The following OSBP2 variants were observed in gnomAD, a reference collection of about 807,000 sequenced individuals.
OSBP2 encodes the protein oxysterol-binding protein 2.
Under a neutral mutation model 96.0 loss-of-function variants are expected in OSBP2, and 66 were observed. That is an observed-to-expected ratio of 0.69 (90% CI 0.56 to 0.84). The LOEUF is 0.84. Among genes scored for constraint, OSBP2 ranks in the 40% least tolerant of loss-of-function variants. The pLI, the probability that OSBP2 is intolerant of heterozygous loss-of-function variation, is 0.00. For missense variants in OSBP2, 1,038 were observed against 1,222.7 expected (o/e 0.85, Z 2.25); for synonymous variants, 525 against 520.9 (o/e 1.01, Z -0.11).
In OSBP2 at chr22:30,906,446, C is replaced by T. The variant is rs780216743; in HGVS notation, c.*107C>T. 40 of 1,318,930 alleles carry T rather than the reference C, an allele frequency of 3.0e-5. No individual in the cohort carries two copies. The highest frequency in any genetic ancestry group is 4.0e-5 in the Non-Finnish European group (40 of 990,694). 81.7% of individuals were successfully genotyped at this position (1,318,930 alleles called of 1,614,324 possible). On this transcript the variant is annotated 3_prime_UTR_variant, in exon 14 of 14. Transcript: ENST00000332585. ...TCTTTCTCCCAGCCCATTCCCAGCC[C>T]TTCCTATTTCCTTTCCTATTTTTTT...
At chr22:30,876,406 A>G (rs2039579128) in intron 3 of OSBP2, among the ~76,000 whole-genome samples, 1 of 151,674 alleles carries the variant, frequency 6.6e-6, no homozygotes, top group African/African-American at 2.4e-5. Flanking sequence ...TGGTGGCCTC[A>G]CCGCCCCACT....
At chr22:30,844,123 C>T (rs1194624287) in intron 2 of OSBP2, among the ~76,000 whole-genome samples, 1 of 152,158 alleles carries the variant, frequency 6.6e-6, no homozygotes, top group Non-Finnish European at 1.5e-5. Context: ...AATCTGCTCG[C>T]TTTGGCCTCC....
intron 2 of OSBP2, among the ~76,000 whole-genome samples, chr22:30,749,274 TAAACTAAGAATGC>T: frequency 6.6e-6 from 1 of 152,256 alleles, no homozygotes; most frequent in East Asian, 1.9e-4. Flanking sequence ...AACCTACTCT[TAAACTAAGAATGC>T]TTTTGTGTTT....
At chr22:30,764,601 T>C (rs1221301027) in intron 2 of OSBP2, among the ~76,000 whole-genome samples, 2 of 152,150 alleles carry the variant, frequency 1.3e-5, no homozygotes, top group African/African-American at 2.4e-5. Flanking sequence ...GCACAGTGTT[T>C]CTTACTTGTT....
chr22:30,852,233 G>A (rs539112453), intron 2 of OSBP2, among the ~76,000 whole-genome samples: 1 of 152,266 alleles, frequency 6.6e-6, no homozygotes, highest in African/African-American at 2.4e-5. Context: ...GGTAAGAAGT[G>A]TATTATTTCT....
chr22:30,825,052 C>T (rs1347320679), intron 2 of OSBP2, among the ~76,000 whole-genome samples: 1 of 152,138 alleles, frequency 6.6e-6, no homozygotes, highest in Non-Finnish European at 1.5e-5. Context: ...AAGAACAGAT[C>T]CCCACCCTGC....
At chr22:30,860,420 G>A (rs1341055042) in intron 2 of OSBP2, among the ~76,000 whole-genome samples, 1 of 152,204 alleles carries the variant, frequency 6.6e-6, no homozygotes, top group Non-Finnish European at 1.5e-5. Context: ...AGGAGGAAGA[G>A]GGAGCCTGAG....
At chr22:30,694,192 TC>T, upstream of OSBP2, 1 of 1,550,118 alleles carries the variant, frequency 6.5e-7, no homozygotes, top group Non-Finnish European at 8.7e-7. Flanking sequence ...CAAAAAGTCT[TC>T]CCCTATTTGT....
chr22:30,880,833 G>A (rs1349722483), intron 3 of OSBP2, among the ~76,000 whole-genome samples: 1 of 152,198 alleles, frequency 6.6e-6, no homozygotes, highest in African/African-American at 2.4e-5. Context: ...GATGCTCAAT[G>A]TCTGTCCCAT....
intron 2 of OSBP2, among the ~76,000 whole-genome samples, chr22:30,812,784 ACTCCTTG>A (rs529013506): frequency 6.6e-6 from 1 of 151,492 alleles, no homozygotes; most frequent in Non-Finnish European, 1.5e-5. Context: ...CATTCTTTTT[ACTCCTTG>A]TTACTCTGAT....
At chr22:30,767,910 A>T (rs1351190821) in intron 2 of OSBP2, among the ~76,000 whole-genome samples, 1 of 152,162 alleles carries the variant, frequency 6.6e-6, no homozygotes, top group Non-Finnish European at 1.5e-5. Flanking sequence ...TGCTAGTGAG[A>T]GCACAGTCAG....
At chr22:30,808,836 C>G (rs1342306341) in intron 2 of OSBP2, among the ~76,000 whole-genome samples, 1 of 152,186 alleles carries the variant, frequency 6.6e-6, no homozygotes, top group Non-Finnish European at 1.5e-5. Flanking sequence ...TGCCTGTAGT[C>G]CCAGCTGTTT....
chr22:30,715,367 TC>T (rs768557235), intron 1 of OSBP2, among the ~76,000 whole-genome samples: 1 of 84,422 alleles, frequency 1.2e-5, no homozygotes, highest in Non-Finnish European at 3.0e-5. Context: ...TCTCTCTCTC[TC>T]TTTTTTTTTT....
intron 1 of OSBP2, among the ~76,000 whole-genome samples, chr22:30,720,384 C>T (rs1171932224): frequency 5.3e-5 from 8 of 152,186 alleles, no homozygotes; most frequent in African/African-American, 1.4e-4. Context: ...CTCACTCACA[C>T]GCCTGGCAAA....
At chr22:30,778,170 CTTT>C (rs71202014) in intron 2 of OSBP2, among the ~76,000 whole-genome samples, 3 of 67,018 alleles carry the variant, frequency 4.5e-5, no homozygotes, top group East Asian at 4.2e-4. Context: ...AATTTTTGCC[CTTT>C]TTTTTTTTTT....
intron 2 of OSBP2, among the ~76,000 whole-genome samples, chr22:30,861,778 G>A (rs1214789787): frequency 6.6e-6 from 1 of 152,172 alleles, no homozygotes; most frequent in Middle Eastern, 3.2e-3. Flanking sequence ...CCCCAATCAG[G>A]AAGGACTGGC....
intron 2 of OSBP2, among the ~76,000 whole-genome samples, chr22:30,765,830 A>T (rs931635942): frequency 1.5e-4 from 23 of 152,166 alleles, no homozygotes; most frequent in African/African-American, 5.6e-4. Flanking sequence ...TAAGAAAACC[A>T]CTTCTGTCTA....
chr22:30,740,331 A>C (rs1301977786), intron 1 of OSBP2, among the ~76,000 whole-genome samples: 1 of 152,218 alleles, frequency 6.6e-6, no homozygotes, highest in Non-Finnish European at 1.5e-5. Context: ...CAGCTGATCC[A>C]TCAAGTGCAG....
Position 30,695,294 on chromosome 22 carries a change from C to T in OSBP2, c.385C>T (p.Arg129Trp), listed in dbSNP as rs1407400052. ...TAAGGCCGCATCGGAGCCGCTCTCC[C>T]GGGCGGTGGGGAGCGCGACCTTTCT... is the stretch of plus-strand genomic sequence containing the variant. ...FTKAASEPLS[R>W]AVGSATFLRP... Residue 129 changes from arginine to tryptophan, a missense_variant, in exon 1 of 14, where the codon CGG (arginine) becomes TGG (tryptophan). This residue lies in a region of OSBP2 where 281 missense variants were observed against 273.4 expected (regional missense o/e 1.03). Coordinates refer to ENST00000332585, the MANE Select transcript of OSBP2 (RefSeq NM_030758.4). 1.3e-5 allele frequency: 21 copies of T among 1,613,356 alleles called. No homozygotes were observed. Among genetic ancestry groups the T allele is most frequent in the Non-Finnish European group, 1.5e-5 (18 of 1,180,038 alleles).
Sources: gnomAD v4.1 joint callset for allele counts (sites outside exome capture counted in the v4.1 genomes callset) on GRCh38, gnomAD v4.1.1 for gene constraint, gnomAD v4.1.1 regional missense constraint, MANE v1.5 for transcripts, NCBI Gene and HGNC (gene_info 2026-07-23, HGNC 2026-07-21) for gene names.